NECAB1: variants seen among roughly 807,000 people sequenced by gnomAD.
NECAB1 encodes N-terminal EF-hand calcium binding protein 1.
In NECAB1, 29 loss-of-function variants were observed where a neutral mutation model predicts 57.5. The observed-to-expected ratio is 0.50, with a 90% CI of 0.38 to 0.69. The LOEUF is 0.69. Ranked by LOEUF, NECAB1 falls within the 30% of genes least tolerant of loss-of-function variation. NECAB1 has a pLI of 0.00. For synonymous variants in NECAB1, 142 were observed against 147.7 expected (o/e 0.96, Z 0.28); for missense variants, 372 against 413.8 (o/e 0.90, Z 0.88).
At chr8:90,952,790 TAATAAAATTAA>T (rs943016403) in intron 12 of NECAB1, among the ~76,000 whole-genome samples, 38 of 88,204 alleles carry the variant, frequency 4.3e-4, no homozygotes, top group African/African-American at 2.5e-3. Context: ...AAAACAATAA[TAATAAAATTAA>T]AATAAAATAA....
chr8:90,862,138 T>C (rs532353307), intron 3 of NECAB1, among the ~76,000 whole-genome samples: 26 of 152,290 alleles, frequency 1.7e-4, no homozygotes, highest in South Asian at 4.1e-4. Flanking sequence ...AATGAAGCAA[T>C]ACTCTATATG....
intron 1 of NECAB1, among the ~76,000 whole-genome samples, chr8:90,797,390 A>G (rs1368072776): frequency 3.3e-5 from 5 of 152,242 alleles, no homozygotes; most frequent in African/African-American, 1.2e-4. Flanking sequence ...AGATTTATCT[A>G]TACCTCATTT....
intron 2 of NECAB1, among the ~76,000 whole-genome samples, chr8:90,806,923 A>T (rs1811855720): frequency 1.3e-5 from 2 of 152,212 alleles, no homozygotes; most frequent in South Asian, 4.1e-4. Context: ...TCTCCAGGTT[A>T]CATTGTATGT....
chr8:90,854,653 G>A (rs1324355400), intron 3 of NECAB1, among the ~76,000 whole-genome samples: 6 of 152,212 alleles, frequency 3.9e-5, no homozygotes, highest in Admixed American at 6.5e-5. Flanking sequence ...GCCTTGTTCA[G>A]TGAGCAAATA....
chr8:90,878,337 AAGGTT>A (rs2129868181), intron 4 of NECAB1, among the ~76,000 whole-genome samples: 1 of 152,238 alleles, frequency 6.6e-6, no homozygotes, highest in South Asian at 2.1e-4. Context: ...GCCCTAAGTA[AAGGTT>A]TGTTAGGCCA....
intron 3 of NECAB1, among the ~76,000 whole-genome samples, chr8:90,833,352 T>C (rs544396102): frequency 2.0e-5 from 3 of 151,774 alleles, no homozygotes; most frequent in Non-Finnish European, 4.4e-5. Flanking sequence ...TATTTTCTTA[T>C]CTAGAGAATT....
chr8:90,809,542 T>C (rs1477203240), intron 2 of NECAB1, among the ~76,000 whole-genome samples: 1 of 152,244 alleles, frequency 6.6e-6, no homozygotes, highest in Non-Finnish European at 1.5e-5. Context: ...GGTAATTAAT[T>C]GGAAGTGTTA....
intron 3 of NECAB1, among the ~76,000 whole-genome samples, chr8:90,861,821 G>T (rs1033287170): frequency 6.6e-6 from 1 of 152,122 alleles, no homozygotes; most frequent in African/African-American, 2.4e-5. Flanking sequence ...GGAGAGCCAG[G>T]GCAAACCCAG....
chr8:90,813,701 AT>A (rs1158676659), intron 2 of NECAB1, among the ~76,000 whole-genome samples: 1 of 151,678 alleles, frequency 6.6e-6, no homozygotes, highest in East Asian at 1.9e-4. Flanking sequence ...TAATTTTTAA[AT>A]TTTTTTTGTA....
chr8:90,896,966 G>A (rs1195328188), intron 5 of NECAB1, among the ~76,000 whole-genome samples: 1 of 152,116 alleles, frequency 6.6e-6, no homozygotes, highest in African/African-American at 2.4e-5. Flanking sequence ...ACAGCAGCAG[G>A]GGTGACGTGC....
chr8:90,932,766 ACTT>A (rs1810441373), intron 8 of NECAB1, among the ~76,000 whole-genome samples: 1 of 152,184 alleles, frequency 6.6e-6, no homozygotes, highest in East Asian at 1.9e-4. Flanking sequence ...TTTTCAGTTT[ACTT>A]CTTATTTATT....
chr8:90,897,486 A>G (rs1411140579), intron 5 of NECAB1, among the ~76,000 whole-genome samples: 3 of 152,198 alleles, frequency 2.0e-5, no homozygotes, highest in African/African-American at 7.2e-5. Flanking sequence ...TTTGAAATGT[A>G]TCTGGCTCAA....
At chr8:90,923,908 A>C (rs1220280668) in intron 6 of NECAB1, among the ~76,000 whole-genome samples, 3 of 152,222 alleles carry the variant, frequency 2.0e-5, no homozygotes, top group Admixed American at 2.0e-4. Flanking sequence ...TTTGTAAAAC[A>C]GCAATTCCAG....
At chr8:90,808,099 T>C (rs1811885223) in intron 2 of NECAB1, among the ~76,000 whole-genome samples, 1 of 152,186 alleles carries the variant, frequency 6.6e-6, no homozygotes, top group Non-Finnish European at 1.5e-5. Flanking sequence ...GGAAAATTCT[T>C]ATCTTTACAT....
intron 5 of NECAB1, among the ~76,000 whole-genome samples, chr8:90,908,711 T>C (rs1012841453): frequency 1.3e-5 from 2 of 152,154 alleles, no homozygotes; most frequent in Non-Finnish European, 2.9e-5. Context: ...CAAACACTCT[T>C]GAATCCATCA....
chr8:90,917,408 T>C lies in NECAB1; in HGVS notation c.358-84T>C, dbSNP rs576147893. ...CTCTCTAGGATCAATCTGGGATTGATGGGTACATGGTAAAAGAAAAAAAAA... is the reference window on the plus strand; with the variant it reads ...CTCTCTAGGATCAATCTGGGATTGACGGGTACATGGTAAAAGAAAAAAAAA... On this transcript the variant is annotated intron_variant, in intron 5 of 12. Coordinates refer to ENST00000417640, the MANE Select transcript of NECAB1 (RefSeq NM_022351.5). 1,817 of 1,203,100 alleles carry C rather than the reference T, an allele frequency of 1.5e-3. 2 individuals carry two copies. The highest frequency in any genetic ancestry group is 1.3e-3 in the Non-Finnish European group (1,183 of 898,060). The allele number at this position is 1,203,100 out of a possible 1,614,324, so 74.5% of individuals were successfully genotyped here. A position where few individuals can be genotyped will look rare whatever the true frequency, so the allele number is the denominator to read the frequency against.
At chr8:90,834,032 G>T (rs527951333) in intron 3 of NECAB1, among the ~76,000 whole-genome samples, 1 of 151,704 alleles carries the variant, frequency 6.6e-6, no homozygotes, top group Non-Finnish European at 1.5e-5. Context: ...GCATGGTGGC[G>T]CATGCCTGTA....
chr8:90,914,091 G>A (rs933285494), intron 5 of NECAB1, among the ~76,000 whole-genome samples: 1 of 152,106 alleles, frequency 6.6e-6, no homozygotes, highest in Non-Finnish European at 1.5e-5. Context: ...TGTGGGACCC[G>A]GTTTCTCACA....
Position 90,881,248 on chromosome 8 carries a change from C to A in NECAB1, c.357+118C>A, listed in dbSNP as rs1808830052. The A allele has an allele frequency of 4.4e-6, 3 of 683,894 alleles. No homozygotes were observed. The African/African-American group carries it at 5.5e-5, about 12-fold the overall frequency. 42.4% of individuals were successfully genotyped at this position (683,894 alleles called of 1,614,324 possible). On this transcript the variant is annotated intron_variant, in intron 5 of 12. Transcript: ENST00000417640. ...TTATTATCACTGATAGTTTATTTTT[C>A]TTCATACTAAATGAGCTATGTTATT...
Sources: allele counts gnomAD v4.1 joint callset (sites outside exome capture counted in the v4.1 genomes callset), GRCh38; gene constraint gnomAD v4.1.1; transcripts MANE v1.5; gene names NCBI Gene and HGNC (gene_info 2026-07-23, HGNC 2026-07-21).